Variants in HERC3 observed in about 807,000 individuals in gnomAD.
HERC3 encodes the protein HECT and RLD domain containing E3 ubiquitin protein ligase 3, also known as probable E3 ubiquitin-protein ligase HERC3.
In HERC3, 58 loss-of-function variants were observed where a neutral mutation model predicts 129.9. The observed-to-expected ratio is 0.45, with a 90% CI of 0.36 to 0.56. HERC3 has a LOEUF of 0.56. Among genes scored for constraint, HERC3 ranks in the 20% least tolerant of loss-of-function variants. The pLI, the probability that HERC3 is intolerant of heterozygous loss-of-function variation, is 0.00. For synonymous variants in HERC3, 430 were observed against 451.0 expected, an observed-to-expected ratio of 0.95 and a Z score of 0.59; for missense variants, 835 against 1,244.2, an observed-to-expected ratio of 0.67 and a Z score of 4.95.
Position 88,706,762 on chromosome 4 carries a change from A to G in HERC3, c.2955A>G (p.Thr985=), listed in dbSNP as rs752712508. Reference sequence around the variant, plus strand: ...TCTCGTTCTCCCCAGTGTTCCTGACAGGCAGCGATCGGATTCCCATCTACG... The same window carrying G: ...TCTCGTTCTCCCCAGTGTTCCTGACGGGCAGCGATCGGATTCCCATCTACG... ...EKKKKFLLFL[T]GSDRIPIYGM... The change falls in exon 26 of 26, where the codon ACA becomes ACG. Residue 985 remains threonine, a synonymous_variant. Transcript: ENST00000402738. The G allele has an allele frequency of 5.6e-6, 9 of 1,613,988 alleles. No homozygotes were observed. The highest frequency in any genetic ancestry group is 5.5e-5 in the South Asian group (5 of 91,086).
the HERC3 span, among the ~76,000 whole-genome samples, chr4:88,582,261 G>T: frequency 1.3e-5 from 2 of 152,086 alleles, no homozygotes; most frequent in African/African-American, 2.4e-5. Context: ...ATTTCCTTTT[G>T]ATATAGAGAG....
rs374738002 is a variant in HERC3 at position 88,706,571 on chromosome 4, C to CT, written c.2945-171dup. Among the ~76,000 whole-genome samples the CT allele has an allele frequency of 5.8e-3, 862 of 149,096 alleles. 8 individuals carry two copies. Among genetic ancestry groups the CT allele is most frequent in the African/African-American group, 0.02 (817 of 40,626 alleles). The stretch of plus-strand genomic sequence containing the variant: ...GTGAGGGTGTACATTTGATTGAGGC[C>CT]TTTTTTTTTTCTTAACGGCATCTAA... On this transcript the variant is annotated intron_variant, in intron 25 of 25. Transcript: ENST00000402738.
At chr4:88,611,984 CAAGTCTTCT>C (rs921401128) in intron 3 of HERC3, among the ~76,000 whole-genome samples, 3 of 152,126 alleles carry the variant, frequency 2.0e-5, no homozygotes, top group African/African-American at 7.2e-5. Context: ...TGCACCTGGA[CAAGTCTTCT>C]AATGTGTGCC....
chr4:88,611,417 C>T (rs1461068395), intron 3 of HERC3, among the ~76,000 whole-genome samples: 1 of 152,136 alleles, frequency 6.6e-6, no homozygotes, highest in African/African-American at 2.4e-5. Flanking sequence ...GGTCTTGGCC[C>T]ACAGGAATGC....
intron 23 of HERC3, among the ~76,000 whole-genome samples, chr4:88,695,319 C>T (rs1387163041): frequency 6.6e-6 from 1 of 152,096 alleles, no homozygotes; most frequent in Non-Finnish European, 1.5e-5. Context: ...AATTTTGCTT[C>T]TTTGTAATTT....
upstream of HERC3, chr4:88,592,367 G>C (rs1046004887): frequency 6.6e-6 from 1 of 152,462 alleles, no homozygotes; most frequent in Non-Finnish European, 1.5e-5. Context: ...CCTCCAGCCC[G>C]TGCCACGGCG....
At chr4:88,529,710 C>T in the HERC3 span, among the ~76,000 whole-genome samples, 1 of 150,864 alleles carries the variant, frequency 6.6e-6, no homozygotes, top group Non-Finnish European at 1.5e-5. Context: ...GCTGAGATCA[C>T]ACCACTGCAC....
At chr4:88,670,072 A>G (rs1731454183) in intron 15 of HERC3, 49 bp downstream of exon 15, 2 of 1,603,290 alleles carry the variant, frequency 1.2e-6, no homozygotes, top group Non-Finnish European at 1.7e-6. Flanking sequence ...ATGGTAGGGT[A>G]AAATGTCCTA....
rs1339270741 is a variant in HERC3 at position 88,656,011 on chromosome 4, A to G, written c.1045A>G (p.Ser349Gly). ...TGTCAAGGGTTACTGGGCTGCCCAC[A>G]GTGGCCAGCTTTCAGCCCGAGCTGG... Reference protein sequence around the residue: ...SPVKGYWAAHSGQLSARADRF... With the variant: ...SPVKGYWAAHGGQLSARADRF... Residue 349 changes from serine (S) to glycine (G), a missense_variant, in exon 9 of 26, where the codon AGT (serine) becomes GGT (glycine). Transcript: ENST00000402738. The G allele has an allele frequency of 6.2e-7, 1 of 1,614,116 alleles. No individual in the cohort carries two copies. Among genetic ancestry groups the G allele is most frequent in the African/African-American group, 1.3e-5 (1 of 75,068 alleles).
chr4:88,571,658 T>A, the HERC3 span, among the ~76,000 whole-genome samples: 2 of 152,208 alleles, frequency 1.3e-5, no homozygotes, highest in East Asian at 3.8e-4. Flanking sequence ...GCCTTTGACG[T>A]CCTTAGGCTT....
At chr4:88,628,036 G>A (rs961906309) in intron 3 of HERC3, among the ~76,000 whole-genome samples, 10 of 152,174 alleles carry the variant, frequency 6.6e-5, no homozygotes, top group African/African-American at 2.4e-4. Context: ...CATGGGTGGA[G>A]TGTATTTATA....
At chr4:88,645,545 A>C (rs990544022) in intron 3 of HERC3, among the ~76,000 whole-genome samples, 19 of 152,006 alleles carry the variant, frequency 1.2e-4, no homozygotes, top group African/African-American at 4.6e-4. Context: ...GTGTTCCAAG[A>C]CCCCCACTAG....
At chr4:88,556,037 C>G in the HERC3 span, among the ~76,000 whole-genome samples, 6 of 152,114 alleles carry the variant, frequency 3.9e-5, no homozygotes, top group Admixed American at 2.0e-4. Context: ...AAATTGATGA[C>G]GCTGGAAGCT....
the HERC3 span, among the ~76,000 whole-genome samples, chr4:88,526,500 G>C: frequency 7.9e-5 from 12 of 151,944 alleles, no homozygotes; most frequent in Non-Finnish European, 1.8e-4. Context: ...CTTTCATTTT[G>C]CCAATTGTTT....
At chr4:88,597,045 C>G (rs1292083250) in intron 2 of HERC3, among the ~76,000 whole-genome samples, 1 of 151,842 alleles carries the variant, frequency 6.6e-6, no homozygotes, top group African/African-American at 2.4e-5. Context: ...TATGCATGTG[C>G]CACACTATCT....
chr4:88,545,622 C>T, the HERC3 span, among the ~76,000 whole-genome samples: 1 of 151,622 alleles, frequency 6.6e-6, no homozygotes. Context: ...GACAGGATCT[C>T]GCTATGTTGC....
chr4:88,584,348 C>A, the HERC3 span, among the ~76,000 whole-genome samples: 11 of 152,284 alleles, frequency 7.2e-5, no homozygotes, highest in Admixed American at 6.5e-4. Context: ...AAGCCATTTA[C>A]CCTCAGAAAC....
chr4:88,612,835 CT>C (rs968905815), intron 3 of HERC3, among the ~76,000 whole-genome samples: 12 of 151,856 alleles, frequency 7.9e-5, no homozygotes, highest in African/African-American at 2.9e-4. Context: ...AAAACATAAG[CT>C]TTTTTTTCCT....
Position 88,677,915 on chromosome 4 carries a change from A to G in HERC3, c.2026-49A>G, listed in dbSNP as rs144810144. On this transcript the variant is annotated intron_variant, in intron 18 of 25. Coordinates refer to ENST00000402738, the MANE Select transcript of HERC3 (RefSeq NM_014606.3). ...AGAAGCACAGCTGACTGCTCTCCCA[A>G]CTCACACGTGTGCTCTGAGTAATTG... The G allele has an allele frequency of 1.5e-4, 229 of 1,569,364 alleles. 1 individual carries two copies. The African/African-American group carries it at 2.8e-3, about 19-fold the overall frequency.
Sources: gnomAD v4.1 joint callset for allele counts (sites outside exome capture counted in the v4.1 genomes callset) on GRCh38, gnomAD v4.1.1 for gene constraint, MANE v1.5 for transcripts, NCBI Gene and HGNC (gene_info 2026-07-23, HGNC 2026-07-21) for gene names.